Variants in MYNN observed in about 807,000 individuals in gnomAD.
The protein encoded by MYNN is zinc finger and BTB domain-containing protein 31.
Under a neutral mutation model 57.2 loss-of-function variants are expected in MYNN, and 22 were observed. That is an observed-to-expected ratio of 0.38 (90% CI 0.27 to 0.55). The LOEUF (loss-of-function observed/expected upper bound fraction) is 0.55. Among genes scored for constraint, MYNN ranks in the 20% least tolerant of loss-of-function variants. The pLI is 0.71. For missense variants in MYNN, 566 were observed against 723.1 expected (o/e 0.78, Z 2.49); for synonymous variants, 241 against 257.1 (o/e 0.94, Z 0.60).
Position 169,789,677 on chromosome 3 carries a change from T to C in MYNN, c.*2999T>C, listed in dbSNP as rs1211749613. 6.6e-6 allele frequency: 1 copy of C among 152,174 alleles called. No homozygotes were observed. The highest frequency in any genetic ancestry group is 1.5e-5 in the Non-Finnish European group (1 of 68,060). 9.4% of individuals were successfully genotyped at this position (152,174 alleles called of 1,614,324 possible). A position where few individuals can be genotyped will look rare whatever the true frequency, so the allele number is the denominator to read the frequency against. On this transcript the variant is annotated 3_prime_UTR_variant, in exon 8 of 8. Transcript: ENST00000349841. ...AATTTTTGTTAGAGATGGGGTTTCATTCTGTTGGCCAGGCTGGTCTCGAAC... is the reference window on the plus strand; with the variant it reads ...AATTTTTGTTAGAGATGGGGTTTCACTCTGTTGGCCAGGCTGGTCTCGAAC...
At chr3:169,786,293 A>G (rs902773024) in intron 7 of MYNN, 123 bp from the exon 8 acceptor site, 1 of 917,792 alleles carries the variant, frequency 1.1e-6, no homozygotes, top group African/African-American at 1.7e-5. Flanking sequence ...CAAAAGAGAA[A>G]CCGCTTGAGT....
At chr3:169,778,483 GT>G in intron 2 of MYNN, 27 of 256,728 alleles carry the variant, frequency 1.1e-4, no homozygotes, top group Non-Finnish European at 1.3e-4. Context: ...GTGTTCTAGG[GT>G]TTTAAAAAAA....
In MYNN at chr3:169,782,731, A is replaced by T. The variant is rs1232143717; in HGVS notation, c.1399+88A>T. Reference sequence around the variant, plus strand: ...GGCCTTTTAGCGAAGTAGATCGGAAACTTTGTAGTTAGATATCTGTTTATA... The same window carrying T: ...GGCCTTTTAGCGAAGTAGATCGGAATCTTTGTAGTTAGATATCTGTTTATA... On this transcript the variant is annotated intron_variant, in intron 5 of 7. Coordinates refer to ENST00000349841, the MANE Select transcript of MYNN (RefSeq NM_018657.5). The surrounding 1 kb of genome is among the most constrained non-coding windows in gnomAD (Gnocchi z 4.8). 1 of 1,015,282 alleles carries T rather than the reference A, an allele frequency of 9.8e-7. No homozygotes were observed. 62.9% of individuals were successfully genotyped at this position (1,015,282 alleles called of 1,614,324 possible).
rs7634698 is a variant in MYNN, at chr3:169,786,468, G to A, written c.1623G>A (p.Gln541=). The A allele has an allele frequency of 6.2e-7, 1 of 1,613,538 alleles. No individual in the cohort carries two copies. The highest frequency in any genetic ancestry group is 8.5e-7 in the Non-Finnish European group (1 of 1,179,570). ...SSAEDHTLSE[Q]DSIQKSPLSE... ...CAGAGGATCATACTTTGAGTGAACA[G>A]GATTCCATACAAAAAAGTCCTTTAT... The change falls in exon 8 of 8, where the codon CAG becomes CAA. Residue 541 remains glutamine (Q), a synonymous_variant. Transcript: ENST00000349841.
chr3:169,773,447 C>A lies in MYNN; in HGVS notation c.-47C>A, dbSNP rs939505313. The A allele has an allele frequency of 3.3e-5, 5 of 152,352 alleles. No homozygotes were observed. The South Asian group carries it at 8.3e-4, about 25-fold the overall frequency. 9.4% of individuals were successfully genotyped at this position (152,352 alleles called of 1,614,324 possible). A position where few individuals can be genotyped will look rare whatever the true frequency, so the allele number is the denominator to read the frequency against. ...ACAGAGTGAAGAAACTGTGTTCCCCCCTTGGGTTGCTATCGGTGAGTTCCT... is the reference window on the plus strand; with the variant it reads ...ACAGAGTGAAGAAACTGTGTTCCCCACTTGGGTTGCTATCGGTGAGTTCCT... On this transcript the variant is annotated 5_prime_UTR_variant, in exon 1 of 8. Coordinates refer to ENST00000349841, the MANE Select transcript of MYNN (RefSeq NM_018657.5).
rs1778724731 is a variant in MYNN at position 169,788,190 on chromosome 3, T to TCTA, written c.*1514_*1515insACT. The TCTA allele has an allele frequency of 6.6e-6, 1 of 152,046 alleles. No individual in the cohort carries two copies. Among genetic ancestry groups the TCTA allele is most frequent in the African/African-American group, 2.4e-5 (1 of 41,404 alleles). 9.4% of individuals were successfully genotyped at this position (152,046 alleles called of 1,614,324 possible). ...TAATAAAAACACTTAATGCTTGTAG[T>TCTA]CTGTAGAGATCTTCACCATTTCACA... On this transcript the variant is annotated 3_prime_UTR_variant, in exon 8 of 8. Coordinates refer to ENST00000349841, the MANE Select transcript of MYNN (RefSeq NM_018657.5).
intron 7 of MYNN, among the ~76,000 whole-genome samples, chr3:169,784,912 T>TA (rs11456214): frequency 0.29 from 38,847 of 134,530 alleles, 5,888 homozygotes; most frequent in East Asian, 0.68. Context: ...ATCTCTTATT[T>TA]AAAAAAAAAA....
At chr3:169,780,819 T>C (rs1778488560) in intron 4 of MYNN, 70 bp downstream of exon 4, 6 of 1,257,392 alleles carry the variant, frequency 4.8e-6, no homozygotes, top group African/African-American at 3.1e-5. Context: ...TAGACTATTA[T>C]ATTAGAATTC....
In MYNN at chr3:169,783,544, C is replaced by G; in HGVS notation, c.1467C>G (p.His489Gln). The stretch of plus-strand genomic sequence containing the variant: ...TTTCCTCAGGAGAGCTCAACAAACA[C>G]TTTCGGTCCCATACAGGTCTGTGTT... ...SFISSGELNKHFRSHTGERPF... is the reference protein window; with the variant it reads ...SFISSGELNKQFRSHTGERPF... The change falls in exon 6 of 8, where the codon CAC becomes CAG. Residue 489 changes from histidine to glutamine, a missense_variant. Around this residue, in one of 4 missense-constraint regions of MYNN, gnomAD observed 156 missense variants for 163.9 expected, o/e 0.95. Transcript: ENST00000349841. The G allele has an allele frequency of 6.2e-7, 1 of 1,609,754 alleles. No individual in the cohort carries two copies. Among genetic ancestry groups the G allele is most frequent in the South Asian group, 1.1e-5 (1 of 90,880 alleles).
In MYNN at chr3:169,787,557, T is replaced by C. The variant is rs1470899043; in HGVS notation, c.*879T>C. On this transcript the variant is annotated 3_prime_UTR_variant, in exon 8 of 8. Coordinates refer to ENST00000349841, the MANE Select transcript of MYNN (RefSeq NM_018657.5). ...AAATACTGAATTCCAGAAAGAATTT[T>C]CTAGATATAAACTTAATGCATACTA... The C allele has an allele frequency of 6.6e-6, 1 of 152,158 alleles. No homozygotes were observed. The highest frequency in any genetic ancestry group is 1.5e-5 in the Non-Finnish European group (1 of 67,966). The allele number at this position is 152,158 out of a possible 1,614,324, so 9.4% of individuals were successfully genotyped here. A position where few individuals can be genotyped will look rare whatever the true frequency, so the allele number is the denominator to read the frequency against.
In MYNN at chr3:169,779,311, A is replaced by G; in HGVS notation, c.810A>G (p.Lys270=). Residue 270 remains lysine (K), a synonymous_variant, in exon 3 of 8, where the codon AAA becomes AAG. Transcript: ENST00000349841. ...AATCACAGCCAAACTGTGCTCTGAA[A>G]GAACACTCTATGTCTAATATAGCCA... ...RGKSQPNCAL[K]EHSMSNIASV... The G allele has an allele frequency of 6.2e-7, 1 of 1,614,198 alleles. No individual in the cohort carries two copies. The highest frequency in any genetic ancestry group is 8.5e-7 in the Non-Finnish European group (1 of 1,180,046).
In MYNN at chr3:169,779,462, A is replaced by G. The variant is rs1778446488; in HGVS notation, c.961A>G (p.Met321Val). Residue 321 changes from methionine to valine, a missense_variant, in exon 3 of 8, where the codon ATG (methionine) becomes GTG (valine). This residue lies in a region of MYNN where 123 missense variants were observed against 222.6 expected (regional missense o/e 0.55). Transcript: ENST00000349841. ...FSEASSLRRH[M>V]RIHKGVKPYV... ...AGAAGCCAGCAGTTTGAGAAGGCACATGAGAATACATAAAGGAGTCAAACC... is the reference window on the plus strand; with the variant it reads ...AGAAGCCAGCAGTTTGAGAAGGCACGTGAGAATACATAAAGGAGTCAAACC... 4 of 1,614,246 alleles carry G rather than the reference A, an allele frequency of 2.5e-6. No homozygotes were observed. The highest frequency in any genetic ancestry group is 3.4e-6 in the Non-Finnish European group (4 of 1,180,044).
rs1778614834 is a variant in MYNN at position 169,784,518 on chromosome 3, A to T, written c.1484-104A>T. On this transcript the variant is annotated intron_variant, in intron 6 of 7. Coordinates refer to ENST00000349841, the MANE Select transcript of MYNN (RefSeq NM_018657.5). ...AAAGTGACAATTTGAAACCAAATTT[A>T]AACACTATAATAATTTTTGCCTTGT... is the stretch of plus-strand genomic sequence containing the variant. 4.3e-6 allele frequency: 3 copies of T among 705,632 alleles called. No homozygotes were observed. In the East Asian group the frequency reaches 8.7e-5, roughly 21 times the overall value. The allele number at this position is 705,632 out of a possible 1,614,324, so 43.7% of individuals were successfully genotyped here. A position where few individuals can be genotyped will look rare whatever the true frequency, so the allele number is the denominator to read the frequency against.
chr3:169,785,074 G>GGT (rs1334987796), intron 7 of MYNN, among the ~76,000 whole-genome samples: 1 of 147,488 alleles, frequency 6.8e-6, no homozygotes, highest in South Asian at 2.2e-4. Flanking sequence ...AAAAAAAGGG[G>GGT]GGGGGGGTGG....
chr3:169,784,431 G>A (rs746961811), intron 6 of MYNN, among the ~76,000 whole-genome samples, 191 bp from the exon 7 acceptor site: 3 of 151,860 alleles, frequency 2.0e-5, no homozygotes, highest in Non-Finnish European at 4.4e-5. Context: ...CAGATTTTTT[G>A]TATAAAGGAG....
chr3:169,782,380 T>G lies in MYNN; in HGVS notation c.1221-85T>G. 8.8e-7 allele frequency: 1 copy of G among 1,134,012 alleles called. No individual in the cohort carries two copies. Among genetic ancestry groups the G allele is most frequent in the Non-Finnish European group, 1.2e-6 (1 of 805,138 alleles). 70.2% of individuals were successfully genotyped at this position (1,134,012 alleles called of 1,614,324 possible). On this transcript the variant is annotated intron_variant, in intron 4 of 7. Transcript: ENST00000349841. The surrounding 1 kb of genome is among the most constrained non-coding windows in gnomAD (Gnocchi z 4.8). Reference sequence around the variant, plus strand: ...CTTGGCCTGTTAAGATGACATGAAATAAAATCTATAAAAAACTTTATGAAT... The same window carrying G: ...CTTGGCCTGTTAAGATGACATGAAAGAAAATCTATAAAAAACTTTATGAAT...
rs1319147187 is a variant in MYNN, at chr3:169,788,534, G to A, written c.*1856G>A. On this transcript the variant is annotated 3_prime_UTR_variant, in exon 8 of 8. Coordinates refer to ENST00000349841, the MANE Select transcript of MYNN (RefSeq NM_018657.5). Reference sequence around the variant, plus strand: ...TTATGTTTAATTTATTTATATCTTCGTTAATCCAAGCATCTAATGAACAAA... The same window carrying A: ...TTATGTTTAATTTATTTATATCTTCATTAATCCAAGCATCTAATGAACAAA... 3.3e-5 allele frequency: 5 copies of A among 152,112 alleles called. No homozygotes were observed. The highest frequency in any genetic ancestry group is 1.9e-4 in the East Asian group (1 of 5,206). The allele number at this position is 152,112 out of a possible 1,614,324, so 9.4% of individuals were successfully genotyped here. A position where few individuals can be genotyped will look rare whatever the true frequency, so the allele number is the denominator to read the frequency against.
In MYNN at chr3:169,778,912, A is replaced by G. The variant is rs1241146494; in HGVS notation, c.411A>G (p.Glu137=). The change falls in exon 3 of 8, where the codon GAA becomes GAG. Residue 137 remains glutamate, a synonymous_variant. Coordinates refer to ENST00000349841, the MANE Select transcript of MYNN (RefSeq NM_018657.5). Reference sequence around the variant, plus strand: ...TATCTAGTATTACTGGAAACATTGAATTGAATCAACAGACTTGTCTTCTTA... The same window carrying G: ...TATCTAGTATTACTGGAAACATTGAGTTGAATCAACAGACTTGTCTTCTTA... The part of the protein sequence containing the change: ...TEISSITGNI[E]LNQQTCLLTL... 2 of 1,613,982 alleles carry G rather than the reference A, an allele frequency of 1.2e-6. No individual in the cohort carries two copies. The highest frequency in any genetic ancestry group is 1.7e-5 in the Admixed American group (1 of 60,000).
At position 169,779,295 on chromosome 3, in the gene MYNN, C is replaced by T; in HGVS notation, c.794C>T (p.Pro265Leu). 1 of 1,614,148 alleles carries T rather than the reference C, an allele frequency of 6.2e-7. No homozygotes were observed. Among genetic ancestry groups the T allele is most frequent in the South Asian group, 1.1e-5 (1 of 91,082 alleles). The stretch of plus-strand genomic sequence containing the variant: ...AAACGGAAACGTGGAAAATCACAGC[C>T]AAACTGTGCTCTGAAAGAACACTCT... ...TVKRKRGKSQ[P>L]NCALKEHSMS... is the part of the protein sequence containing the mutation. The change falls in exon 3 of 8, where the codon CCA (proline) becomes CTA (leucine). Residue 265 changes from proline (P) to leucine (L), a missense_variant. Around this residue, in one of 4 missense-constraint regions of MYNN, gnomAD observed 261 missense variants for 280.8 expected, o/e 0.93. Coordinates refer to ENST00000349841, the MANE Select transcript of MYNN (RefSeq NM_018657.5).
Sources: gnomAD v4.1 joint callset for allele counts (sites outside exome capture counted in the v4.1 genomes callset) on GRCh38, gnomAD v4.1.1 for gene constraint, gnomAD v4.1.1 regional missense constraint, Gnocchi (gnomAD v3.1) non-coding constraint, MANE v1.5 for transcripts, NCBI Gene and HGNC (gene_info 2026-07-23, HGNC 2026-07-21) for gene names.